MAPKAP1: variants seen among roughly 807,000 people sequenced by gnomAD.
MAPKAP1 encodes MAPK associated protein 1.
Under a neutral mutation model 65.7 loss-of-function variants are expected in MAPKAP1, and 20 were observed. That is an observed-to-expected ratio of 0.30 (90% CI 0.21 to 0.44). MAPKAP1 has a LOEUF of 0.44. MAPKAP1 is among the 20% of genes least tolerant of loss of function. MAPKAP1 has a pLI of 1.00. For missense variants in MAPKAP1, 423 were observed against 648.0 expected (o/e 0.65, Z 3.77); for synonymous variants, 222 against 244.3 (o/e 0.91, Z 0.85).
chr9:125,524,625 T>C (rs568033794), intron 7 of MAPKAP1, among the ~76,000 whole-genome samples: 2 of 152,380 alleles, frequency 1.3e-5, no homozygotes, highest in African/African-American at 4.8e-5. Flanking sequence ...GAGACGTGGC[T>C]GTCAGCCATT....
intron 6 of MAPKAP1, among the ~76,000 whole-genome samples, chr9:125,558,046 G>T (rs566162513): frequency 6.6e-6 from 1 of 152,016 alleles, no homozygotes; most frequent in African/African-American, 2.4e-5. Context: ...TAGTAGAGAC[G>T]GGGTTTCACC....
At chr9:125,686,794 G>T (rs1219312619) in intron 1 of MAPKAP1, among the ~76,000 whole-genome samples, 2 of 151,936 alleles carry the variant, frequency 1.3e-5, no homozygotes, top group East Asian at 3.8e-4. Context: ...TGACTGATTT[G>T]AACAGGCATT....
chr9:125,631,575 A>C (rs544025769), intron 4 of MAPKAP1, among the ~76,000 whole-genome samples: 8 of 152,238 alleles, frequency 5.3e-5, no homozygotes, highest in African/African-American at 1.9e-4. Flanking sequence ...CACCACACTA[A>C]ATTCCCTACT....
At chr9:125,467,685 A>G (rs1853730165) in intron 10 of MAPKAP1, among the ~76,000 whole-genome samples, 1 of 152,224 alleles carries the variant, frequency 6.6e-6, no homozygotes, top group Non-Finnish European at 1.5e-5. Flanking sequence ...GCAAATTCCC[A>G]GCAGAAATCT....
chr9:125,706,779 C>T (rs545900191), intron 1 of MAPKAP1, among the ~76,000 whole-genome samples, 192 bp downstream of exon 1: 1 of 152,084 alleles, frequency 6.6e-6, no homozygotes, highest in African/African-American at 2.4e-5. Flanking sequence ...AAACCACACA[C>T]CCGCCTCAGA....
intron 5 of MAPKAP1, among the ~76,000 whole-genome samples, chr9:125,563,254 C>T (rs1160305574): frequency 6.6e-6 from 1 of 152,094 alleles, no homozygotes; most frequent in African/African-American, 2.4e-5. Context: ...CTCAGGAAAC[C>T]CCCCGATACA....
intron 8 of MAPKAP1, among the ~76,000 whole-genome samples, chr9:125,496,527 A>G (rs1854955662): frequency 6.6e-6 from 1 of 152,228 alleles, no homozygotes; most frequent in African/African-American, 2.4e-5. Context: ...GTCACATGAT[A>G]GAAATTGGGG....
intron 7 of MAPKAP1, among the ~76,000 whole-genome samples, chr9:125,522,865 G>A (rs1829659379): frequency 6.6e-6 from 1 of 152,100 alleles, no homozygotes; most frequent in Non-Finnish European, 1.5e-5. Context: ...GTGCATATAT[G>A]TCCTGGTTTC....
intron 4 of MAPKAP1, among the ~76,000 whole-genome samples, chr9:125,625,257 A>AAAAAAAAAAAAAAAAAAAAAAAAAAT (rs1833077956): frequency 6.2e-5 from 4 of 64,064 alleles, no homozygotes; most frequent in Non-Finnish European, 9.2e-5. Flanking sequence ...TAAATAAATA[A>AAAAAAAAAAAAAAAAAAAAAAAAAAT]AAAAAAAAAA....
intron 1 of MAPKAP1, 130 bp from the exon 2 acceptor site, chr9:125,672,773 A>G: frequency 1.6e-6 from 1 of 636,426 alleles, no homozygotes; most frequent in Non-Finnish European, 2.7e-6. Flanking sequence ...TGTGGAGCTT[A>G]AAAGGATTTA....
In MAPKAP1 at chr9:125,595,026, CAT is replaced by C. The variant is rs1358916598; in HGVS notation, c.499-9301_499-9300del. 6.6e-6 allele frequency among the ~76,000 whole-genome samples: 1 copy of C among 152,240 alleles called. No homozygotes were observed. The highest frequency in any genetic ancestry group is 2.4e-5 in the African/African-American group (1 of 41,458). ...ATAAATGATTAATATTCTTTTAACA[CAT>C]GATTTAAACACTTGCATTATATTAT... On this transcript the variant is annotated intron_variant, in intron 4 of 11. Transcript: ENST00000265960. The surrounding 1 kb of genome is among the most constrained non-coding windows in gnomAD (Gnocchi z 4.0).
At chr9:125,511,848 C>G (rs987942868) in intron 7 of MAPKAP1, among the ~76,000 whole-genome samples, 1 of 152,192 alleles carries the variant, frequency 6.6e-6, no homozygotes, top group African/African-American at 2.4e-5. Flanking sequence ...GAGAGGAACA[C>G]AAAAGGAAGA....
At chr9:125,571,733 C>T (rs1831237988) in intron 5 of MAPKAP1, among the ~76,000 whole-genome samples, 1 of 152,062 alleles carries the variant, frequency 6.6e-6, no homozygotes, top group Admixed American at 6.6e-5. Context: ...TATGGTGGTA[C>T]ATGCCTGTAA....
intron 8 of MAPKAP1, among the ~76,000 whole-genome samples, chr9:125,492,389 G>C (rs1854769160): frequency 6.6e-6 from 1 of 152,188 alleles, no homozygotes; most frequent in Non-Finnish European, 1.5e-5. Context: ...AGTTATAGCT[G>C]TGTATATGTG....
At chr9:125,622,436 T>C (rs1832933161) in intron 4 of MAPKAP1, among the ~76,000 whole-genome samples, 1 of 152,160 alleles carries the variant, frequency 6.6e-6, no homozygotes. Context: ...ATTATTCTTT[T>C]ATTTTATATT....
chr9:125,632,377 A>G (rs1490603620), intron 4 of MAPKAP1, among the ~76,000 whole-genome samples: 1 of 152,224 alleles, frequency 6.6e-6, no homozygotes, highest in African/African-American at 2.4e-5. Flanking sequence ...GCATTAGTCA[A>G]GTCCCTGGCA....
chr9:125,618,010 T>A (rs1296553872), intron 4 of MAPKAP1, among the ~76,000 whole-genome samples: 1 of 152,044 alleles, frequency 6.6e-6, no homozygotes, highest in East Asian at 1.9e-4. Flanking sequence ...ATGAACCCAT[T>A]TCTCTAATTC....
At chr9:125,480,154 G>A (rs1372217062) in intron 9 of MAPKAP1, among the ~76,000 whole-genome samples, 1 of 152,124 alleles carries the variant, frequency 6.6e-6, no homozygotes, top group African/African-American at 2.4e-5. Flanking sequence ...TTGTAAGGAG[G>A]GAGAGAGGGT....
chr9:125,691,118 G>A (rs529552396), intron 1 of MAPKAP1, among the ~76,000 whole-genome samples: 40 of 152,182 alleles, frequency 2.6e-4, no homozygotes, highest in African/African-American at 4.6e-4. Context: ...AAAATTAGCC[G>A]GGCGTGGTGG....
Sources: allele counts gnomAD v4.1 joint callset (sites outside exome capture counted in the v4.1 genomes callset), GRCh38; gene constraint gnomAD v4.1.1; non-coding constraint Gnocchi (gnomAD v3.1); transcripts MANE v1.5; gene names NCBI Gene and HGNC (gene_info 2026-07-23, HGNC 2026-07-21).